VPS35L: variants seen among roughly 807,000 people sequenced by gnomAD.
VPS35L encodes the protein VPS35 endosomal protein-sorting factor-like.
A neutral mutation model predicts 133.0 loss-of-function variants in VPS35L; 83 were observed. The observed-to-expected ratio is 0.62, with a 90% CI of 0.52 to 0.75. The LOEUF (loss-of-function observed/expected upper bound fraction) is 0.75. Ranked by LOEUF, VPS35L falls within the 30% of genes least tolerant of loss-of-function variation. The probability of loss-of-function intolerance (pLI) is 0.00; values close to 1 mark genes in which losing one functional copy is unlikely to be tolerated. For synonymous variants in VPS35L, 423 were observed against 449.9 expected, an observed-to-expected ratio of 0.94 and a Z score of 0.76; for missense variants, 1,083 against 1,206.8, an observed-to-expected ratio of 0.90 and a Z score of 1.52.
At chr16:19,683,066 A>C (rs1447665595) in intron 28 of VPS35L, among the ~76,000 whole-genome samples, 1 of 152,184 alleles carries the variant, frequency 6.6e-6, no homozygotes, top group East Asian at 1.9e-4. Context: ...CTGGGAATAC[A>C]GGCATGTGCC....
At chr16:19,613,167 G>T (rs1251977726) in intron 12 of VPS35L, among the ~76,000 whole-genome samples, 4 of 152,192 alleles carry the variant, frequency 2.6e-5, no homozygotes, top group Admixed American at 2.6e-4. Context: ...GCCGGGCGTG[G>T]TGGTACACGC....
chr16:19,625,108 G>A (rs1403545269), intron 14 of VPS35L, among the ~76,000 whole-genome samples: 1 of 152,082 alleles, frequency 6.6e-6, no homozygotes, highest in African/African-American at 2.4e-5. Context: ...TGGCGGAGGC[G>A]GGGAAAATAG....
chr16:19,658,100 C>T (rs1277688238), intron 26 of VPS35L, among the ~76,000 whole-genome samples: 2 of 152,168 alleles, frequency 1.3e-5, no homozygotes, highest in Non-Finnish European at 2.9e-5. Context: ...AAGTCTCCTC[C>T]TGACAATCCC....
intron 26 of VPS35L, among the ~76,000 whole-genome samples, chr16:19,664,132 C>T (rs1363353723): frequency 6.6e-6 from 1 of 152,068 alleles, no homozygotes; most frequent in Non-Finnish European, 1.5e-5. Context: ...ATTTACTCGT[C>T]ATATATACAA....
At chr16:19,574,515 G>A (rs540736782) in intron 4 of VPS35L, among the ~76,000 whole-genome samples, 1 of 152,208 alleles carries the variant, frequency 6.6e-6, no homozygotes, top group South Asian at 2.1e-4. Flanking sequence ...TGGCCTCAAC[G>A]CCTCTTCTCT....
chr16:19,620,759 T>C (rs1973051836), intron 14 of VPS35L, among the ~76,000 whole-genome samples: 1 of 152,156 alleles, frequency 6.6e-6, no homozygotes, highest in Admixed American at 6.5e-5. Flanking sequence ...GAGACCAGCC[T>C]GGCCAACATG....
intron 13 of VPS35L, 124 bp from the exon 14 acceptor site, chr16:19,616,562 C>A: frequency 1.6e-6 from 2 of 1,219,184 alleles, no homozygotes; most frequent in South Asian, 1.7e-5. Context: ...AACCGAGAAA[C>A]CAGGCTATTT....
intron 5 of VPS35L, among the ~76,000 whole-genome samples, chr16:19,578,005 T>C (rs1971587771): frequency 6.6e-6 from 1 of 152,238 alleles, no homozygotes; most frequent in Non-Finnish European, 1.5e-5. Context: ...GAGCCAACCC[T>C]TTGATCCAGC....
intron 8 of VPS35L, among the ~76,000 whole-genome samples, chr16:19,592,425 G>A (rs570524173): frequency 6.6e-6 from 1 of 152,094 alleles, no homozygotes; most frequent in South Asian, 2.1e-4. Context: ...AATGAGTGAA[G>A]CAGGGCAGGC....
At chr16:19,572,491 C>T (rs1382251482) in intron 3 of VPS35L, among the ~76,000 whole-genome samples, 4 of 152,182 alleles carry the variant, frequency 2.6e-5, no homozygotes, top group African/African-American at 9.6e-5. Context: ...AAGAGTTAAC[C>T]AGTCTGCATT....
intron 2 of VPS35L, among the ~76,000 whole-genome samples, chr16:19,566,941 A>G (rs1313428734): frequency 6.6e-6 from 1 of 152,082 alleles, no homozygotes; most frequent in Non-Finnish European, 1.5e-5. Context: ...TAGTAGAGAC[A>G]TGGTTTCACC....
intron 3 of VPS35L, among the ~76,000 whole-genome samples, chr16:19,570,407 T>C (rs1971324817): frequency 6.6e-6 from 1 of 152,176 alleles, no homozygotes; most frequent in South Asian, 2.1e-4. Context: ...CTTATAAATC[T>C]TTTTACATAA....
chr16:19,696,798 A>T (rs1287438340), intron 29 of VPS35L, among the ~76,000 whole-genome samples: 2 of 152,206 alleles, frequency 1.3e-5, no homozygotes, highest in African/African-American at 4.8e-5. Flanking sequence ...ATAGCCAATT[A>T]GGTATTGTGC....
Position 19,647,817 on chromosome 16 carries a change from A to T in VPS35L, c.1963A>T (p.Ser655Cys), listed in dbSNP as rs1405550882. The T allele has an allele frequency of 6.8e-6, 11 of 1,613,878 alleles. No individual in the cohort carries two copies. Among genetic ancestry groups the T allele is most frequent in the Non-Finnish European group, 9.3e-6 (11 of 1,180,004 alleles). The change falls in exon 24 of 31, where the codon AGT (serine) becomes TGT (cysteine). Residue 655 changes from serine to cysteine, a missense_variant. Ser to Cys is a moderately radical substitution (Grantham distance 112). Coordinates refer to ENST00000417362, the MANE Select transcript of VPS35L (RefSeq NM_020314.7). ...TGGCCGTGATTTTGAACAACAGCTG[A>T]GTTTTTATGTTGAGTCCAGGTCGAT... ...SFGRDFEQQL[S>C]FYVESRSMFC... is the part of the protein sequence containing the mutation.
intron 29 of VPS35L, among the ~76,000 whole-genome samples, chr16:19,693,049 A>AG (rs1975754190): frequency 6.6e-6 from 1 of 152,184 alleles, no homozygotes; most frequent in African/African-American, 2.4e-5. Flanking sequence ...CACCTTCTGT[A>AG]GGGAGGGAGG....
intron 1 of VPS35L, among the ~76,000 whole-genome samples, chr16:19,559,488 G>A (rs964053803): frequency 3.3e-5 from 5 of 152,136 alleles, no homozygotes; most frequent in African/African-American, 7.2e-5. Flanking sequence ...AACTATGTTA[G>A]CAAAAAGAAA....
chr16:19,599,684 G>A (rs1972322608), intron 8 of VPS35L, among the ~76,000 whole-genome samples: 1 of 152,014 alleles, frequency 6.6e-6, no homozygotes, highest in Non-Finnish European at 1.5e-5. Context: ...TTCTTTTCCA[G>A]TAGCTCTAAG....
chr16:19,654,774 T>C (rs1477521219), intron 26 of VPS35L, among the ~76,000 whole-genome samples: 1 of 152,096 alleles, frequency 6.6e-6, no homozygotes, highest in Non-Finnish European at 1.5e-5. Flanking sequence ...TAGGAACAAA[T>C]TGTGAGCTGC....
rs1412002740 is a variant in VPS35L, at chr16:19,564,855, T to C, written c.22T>C (p.Ser8Pro). ...CTGTGTTTCGCTGTTTACCAGGCAC[T>C]CCAGGAATAGGAACTACAAAGCTGA... is the stretch of plus-strand genomic sequence containing the variant. Reference protein sequence around the residue: MAVFPWHSRNRNYKAEFA... With the variant: MAVFPWHPRNRNYKAEFA... Residue 8 changes from serine to proline, a missense_variant, in exon 2 of 31, where the codon TCC becomes CCC. Transcript: ENST00000417362. 1 of 1,612,958 alleles carries C rather than the reference T, an allele frequency of 6.2e-7. No homozygotes were observed. Among genetic ancestry groups the C allele is most frequent in the South Asian group, 1.1e-5 (1 of 90,990 alleles).
Sources: gnomAD v4.1 joint callset for allele counts (sites outside exome capture counted in the v4.1 genomes callset) on GRCh38, gnomAD v4.1.1 for gene constraint, MANE v1.5 for transcripts, NCBI Gene and HGNC (gene_info 2026-07-23, HGNC 2026-07-21) for gene names.